The following ABTB2 variants were observed in gnomAD, a reference collection of about 807,000 sequenced individuals.
The protein encoded by ABTB2 is ankyrin repeat and BTB/POZ domain-containing protein 2.
Under a neutral mutation model 104.1 loss-of-function variants are expected in ABTB2, and 56 were observed. That is an observed-to-expected ratio of 0.54 (90% CI 0.43 to 0.67). The LOEUF is 0.67. Among genes scored for constraint, ABTB2 ranks in the 30% least tolerant of loss-of-function variants. The pLI is 0.00. For synonymous variants in ABTB2, 606 were observed against 608.2 expected (o/e 1.00, Z 0.05); for missense variants, 1,279 against 1,407.7 (o/e 0.91, Z 1.46).
At chr11:34,225,121 A>G (rs939222051) in intron 1 of ABTB2, among the ~76,000 whole-genome samples, 18 of 152,216 alleles carry the variant, frequency 1.2e-4, no homozygotes, top group African/African-American at 4.3e-4. Context: ...TGGCATTACA[A>G]GTTAAAGGAA....
chr11:34,239,932 T>A (rs1195071831), intron 1 of ABTB2, among the ~76,000 whole-genome samples: 1 of 152,196 alleles, frequency 6.6e-6, no homozygotes, highest in African/African-American at 2.4e-5. Context: ...ACAGAGGCAT[T>A]TCCCCCCTAA....
At chr11:34,315,505 A>G (rs891498293) in intron 1 of ABTB2, among the ~76,000 whole-genome samples, 1 of 152,170 alleles carries the variant, frequency 6.6e-6, no homozygotes, top group Admixed American at 6.5e-5. Context: ...ACAGGCCCCA[A>G]TCATTCATGA....
At chr11:34,304,720 A>G (rs962815001) in intron 1 of ABTB2, among the ~76,000 whole-genome samples, 54 of 152,242 alleles carry the variant, frequency 3.5e-4, no homozygotes, top group Non-Finnish European at 1.2e-4. Context: ...GGGGAGGGAA[A>G]GAGACTAAGA....
At chr11:34,163,110 C>T (rs1184484656) in intron 9 of ABTB2, among the ~76,000 whole-genome samples, 1 of 152,210 alleles carries the variant, frequency 6.6e-6, no homozygotes, top group Non-Finnish European at 1.5e-5. Context: ...AGCCAGGTCA[C>T]TCTACCTCTC....
chr11:34,238,567 C>T (rs548811783), intron 1 of ABTB2, among the ~76,000 whole-genome samples: 25 of 152,230 alleles, frequency 1.6e-4, no homozygotes, highest in Admixed American at 1.3e-3. Flanking sequence ...AATACCAATC[C>T]GGTACCTACC....
At chr11:34,335,008 GAAAT>G (rs1387418207) in intron 1 of ABTB2, 3 of 554,030 alleles carry the variant, frequency 5.4e-6, no homozygotes, top group Non-Finnish European at 6.5e-6. Flanking sequence ...CATAAATGCT[GAAAT>G]AAATAGAAAT....
intron 14 of ABTB2, among the ~76,000 whole-genome samples, 172 bp downstream of exon 14, chr11:34,159,124 C>T (rs568850469): frequency 2.0e-5 from 3 of 152,342 alleles, no homozygotes; most frequent in Admixed American, 6.5e-5. Flanking sequence ...AGCCCCACAA[C>T]GGATGGCTAC....
intron 1 of ABTB2, among the ~76,000 whole-genome samples, chr11:34,209,114 G>A (rs1201367075): frequency 1.3e-5 from 2 of 152,206 alleles, no homozygotes; most frequent in Non-Finnish European, 2.9e-5. Flanking sequence ...GGGAGGCAGA[G>A]ACGGGTGAAT....
At chr11:34,350,839 G>C (rs1046689165) in intron 1 of ABTB2, among the ~76,000 whole-genome samples, 1 of 152,130 alleles carries the variant, frequency 6.6e-6, no homozygotes, top group African/African-American at 2.4e-5. Flanking sequence ...CACAGGCCTG[G>C]GGCTTGAGCA....
intron 1 of ABTB2, among the ~76,000 whole-genome samples, chr11:34,299,816 G>C (rs930350477): frequency 2.6e-5 from 4 of 152,238 alleles, no homozygotes; most frequent in African/African-American, 4.8e-5. Flanking sequence ...GGGTGAGCCG[G>C]AAAGGAGCAG....
chr11:34,165,396 G>A (rs1451597346), intron 7 of ABTB2, 40 bp from the exon 8 acceptor site: 1 of 1,540,506 alleles, frequency 6.5e-7, no homozygotes, highest in East Asian at 2.4e-5. Flanking sequence ...GCTCAGCGTG[G>A]CAGGGAGCAC....
At position 34,173,252 on chromosome 11, in the gene ABTB2, C is replaced by A; in HGVS notation, c.1300G>T (p.Ala434Ser). 2 of 1,611,736 alleles carry A rather than the reference C, an allele frequency of 1.2e-6. No homozygotes were observed. Among genetic ancestry groups the A allele is most frequent in the South Asian group, 1.1e-5 (1 of 90,626 alleles). Residue 434 changes from alanine to serine, a missense_variant, in exon 4 of 17, where the codon GCA becomes TCA. Transcript: ENST00000435224. Reference protein sequence around the residue: ...MEWMRVAITYAEHRRSLTVDS... With the variant: ...MEWMRVAITYSEHRRSLTVDS... ...ACGGTGAGGCTGCGGCGGTGCTCTG[C>A]GTAGGTGATGGCCACGCGCATCCAC... is the stretch of plus-strand genomic sequence containing the variant.
intron 1 of ABTB2, among the ~76,000 whole-genome samples, chr11:34,237,614 C>G (rs188021919): frequency 5.3e-5 from 8 of 152,068 alleles, no homozygotes. Flanking sequence ...AGTAAGAACC[C>G]ACTAAAGGCC....
At chr11:34,155,939 G>A (rs76288547) in intron 14 of ABTB2, among the ~76,000 whole-genome samples, 11,256 of 152,308 alleles carry the variant, frequency 0.074, 448 homozygotes, top group Non-Finnish European at 0.091. Context: ...TGAGTGCTCA[G>A]TAAGGTGAGG....
intron 3 of ABTB2, 151 bp downstream of exon 3, chr11:34,197,174 G>T: frequency 1.2e-6 from 1 of 862,734 alleles, no homozygotes; most frequent in Non-Finnish European, 1.9e-6. Flanking sequence ...TTCATCCATC[G>T]GAATTCCTGG....
At chr11:34,302,528 G>C (rs1590248011) in intron 1 of ABTB2, among the ~76,000 whole-genome samples, 1 of 152,222 alleles carries the variant, frequency 6.6e-6, no homozygotes, top group East Asian at 1.9e-4. Flanking sequence ...GAGGGGCTCA[G>C]GCTGCAGCCA....
At chr11:34,268,911 C>A (rs1854280214) in intron 1 of ABTB2, among the ~76,000 whole-genome samples, 1 of 152,196 alleles carries the variant, frequency 6.6e-6, no homozygotes, top group South Asian at 2.1e-4. Context: ...CCCAGTGGGG[C>A]CTCATCTTAG....
chr11:34,167,829 G>A (rs956338145), intron 6 of ABTB2, 74 bp downstream of exon 6: 3 of 1,478,590 alleles, frequency 2.0e-6, no homozygotes, highest in Non-Finnish European at 1.9e-6. Context: ...ATCACGCCCA[G>A]CGTGTTTGTT....
At chr11:34,310,483 C>T (rs1854837736) in intron 1 of ABTB2, among the ~76,000 whole-genome samples, 1 of 152,142 alleles carries the variant, frequency 6.6e-6, no homozygotes, top group South Asian at 2.1e-4. Context: ...CCCTGAAGTA[C>T]TCCATGGTGC....
Sources: gnomAD v4.1 joint callset for allele counts (sites outside exome capture counted in the v4.1 genomes callset) on GRCh38, gnomAD v4.1.1 for gene constraint, MANE v1.5 for transcripts, NCBI Gene and HGNC (gene_info 2026-07-23, HGNC 2026-07-21) for gene names.